The following PCDHGA3 variants were observed in gnomAD, a reference collection of about 807,000 sequenced individuals.
PCDHGA3 encodes the protein protocadherin gamma subfamily A, 3.
Under a neutral mutation model 58.5 loss-of-function variants are expected in PCDHGA3, and 40 were observed. That is an observed-to-expected ratio of 0.68 (90% confidence interval 0.53 to 0.89). The LOEUF (loss-of-function observed/expected upper bound fraction) is 0.89, where lower values mean the gene tolerates loss of function less well. Ranked by LOEUF, PCDHGA3 falls within the 40% of genes least tolerant of loss-of-function variation. PCDHGA3 has a pLI of 0.00. For missense variants in PCDHGA3, 1,223 were observed against 1,195.9 expected (o/e 1.02, Z -0.33); for synonymous variants, 530 against 525.7 (o/e 1.01, Z -0.11).
rs748105196 is a variant in PCDHGA3 at position 141,486,849 on chromosome 5, A to G, written c.2425-7958A>G. ...GTTCGTCTATTTGTGCTGGACCTCA[A>G]TGACAATGCTCCAGCTGTGCTCCGT... is the stretch of plus-strand genomic sequence containing the variant. On this transcript the variant is annotated intron_variant, in intron 1 of 3. Coordinates refer to ENST00000253812, the MANE Select transcript of PCDHGA3 (RefSeq NM_018916.4). The surrounding 1 kb of genome is among the most constrained non-coding windows in gnomAD (Gnocchi z 5.0). 4.3e-6 allele frequency: 7 copies of G among 1,614,110 alleles called. No individual in the cohort carries two copies. The highest frequency in any genetic ancestry group is 5.1e-6 in the Non-Finnish European group (6 of 1,180,036).
At chr5:141,357,135 C>A in intron 1 of PCDHGA3, 1 of 1,613,504 alleles carries the variant, frequency 6.2e-7, no homozygotes, top group Non-Finnish European at 8.5e-7. Context: ...TTGTAGTGGT[C>A]GTCCAGGACC....
chr5:141,420,269 A>C, intron 1 of PCDHGA3: 1 of 1,544,558 alleles, frequency 6.5e-7, no homozygotes, highest in Non-Finnish European at 8.8e-7. Flanking sequence ...GAAGATTCTT[A>C]AACAGGTAAG....
Position 141,487,650 on chromosome 5 carries a change from G to T in PCDHGA3, c.2425-7157G>T, listed in dbSNP as rs772715932. The T allele has an allele frequency of 6.8e-6, 11 of 1,613,876 alleles. No individual in the cohort carries two copies. Among genetic ancestry groups the T allele is most frequent in the Admixed American group, 1.7e-5 (1 of 59,978 alleles). On this transcript the variant is annotated intron_variant, in intron 1 of 3. Coordinates refer to ENST00000253812, the MANE Select transcript of PCDHGA3 (RefSeq NM_018916.4). This position sits in a 1 kb window ranked among gnomAD's most constrained non-coding sequence, Gnocchi z 5.0. ...TTGCAGGCTCAACAAATGCTTGAGG[G>T]TTATTCTGATCCAGGCATATGGCTA...
intron 1 of PCDHGA3, chr5:141,350,596 T>C: frequency 6.2e-7 from 1 of 1,614,020 alleles, no homozygotes; most frequent in Non-Finnish European, 8.5e-7. Flanking sequence ...ACCCAATGAA[T>C]GTTTTCCACG....
intron 1 of PCDHGA3, chr5:141,366,887 A>T (rs1444897635): frequency 9.5e-6 from 12 of 1,269,488 alleles, no homozygotes; most frequent in Non-Finnish European, 1.3e-5. Flanking sequence ...AATTTTTTTT[A>T]TATAATTCAT....
intron 1 of PCDHGA3, among the ~76,000 whole-genome samples, chr5:141,445,620 C>T (rs561235315): frequency 2.0e-5 from 3 of 151,966 alleles, no homozygotes; most frequent in African/African-American, 4.8e-5. Context: ...TTCTTTTTTT[C>T]GGAAAGTGAT....
chr5:141,412,634 A>G (rs1322492563), intron 1 of PCDHGA3: 1 of 152,256 alleles, frequency 6.6e-6, no homozygotes, highest in African/African-American at 2.4e-5. Flanking sequence ...TTAAATTATA[A>G]GACTTTTCTG....
At position 141,494,885 on chromosome 5, in the gene PCDHGA3, G is replaced by T; in HGVS notation, c.2483+20G>T. The T allele has an allele frequency of 6.8e-6, 11 of 1,614,082 alleles. No homozygotes were observed. The highest frequency in any genetic ancestry group is 8.5e-6 in the Non-Finnish European group (10 of 1,179,992). Reference sequence around the variant, plus strand: ...CAGCGGGTAGGTGACTGATTCTCCAGCCCACCCTCTTCTCTGCGGCATTTT... The same window carrying T: ...CAGCGGGTAGGTGACTGATTCTCCATCCCACCCTCTTCTCTGCGGCATTTT... On this transcript the variant is annotated intron_variant, in intron 2 of 3. Transcript: ENST00000253812.
At chr5:141,390,515 C>T (rs1325813784) in intron 1 of PCDHGA3, 1 of 575,082 alleles carries the variant, frequency 1.7e-6, no homozygotes, top group Middle Eastern at 4.7e-4. Flanking sequence ...ATTTATAAAG[C>T]AATGAGGGTG....
At chr5:141,364,790 C>T (rs796800411) in intron 1 of PCDHGA3, 2 of 1,614,014 alleles carry the variant, frequency 1.2e-6, no homozygotes, top group Admixed American at 1.7e-5. Flanking sequence ...ACGGTTAGTG[C>T]TTCCCTTCGC....
Position 141,418,176 on chromosome 5 carries a change from T to G in PCDHGA3, c.2424+71719T>G, listed in dbSNP as rs1197334192. 1 of 1,614,078 alleles carries G rather than the reference T, an allele frequency of 6.2e-7. No individual in the cohort carries two copies. Among genetic ancestry groups the G allele is most frequent in the Non-Finnish European group, 8.5e-7 (1 of 1,179,908 alleles). On this transcript the variant is annotated intron_variant, in intron 1 of 3. Coordinates refer to ENST00000253812, the MANE Select transcript of PCDHGA3 (RefSeq NM_018916.4). ...GAGAGAAGAAGATGTGAGTTGCAAT[T>G]GGAAGCTGTGGTGGAAAATCCTTTA...
At chr5:141,508,737 C>G (rs919094477) in intron 3 of PCDHGA3, among the ~76,000 whole-genome samples, 2 of 152,010 alleles carry the variant, frequency 1.3e-5, no homozygotes, top group Non-Finnish European at 2.9e-5. Flanking sequence ...CTACACCCCC[C>G]ACCCCGCTCT....
intron 1 of PCDHGA3, among the ~76,000 whole-genome samples, chr5:141,407,512 T>C (rs910710605): frequency 6.6e-6 from 1 of 152,192 alleles, no homozygotes; most frequent in East Asian, 1.9e-4. Context: ...TCTTAGGCTA[T>C]GTAGGACTTA....
intron 1 of PCDHGA3, chr5:141,420,166 A>G: frequency 1.2e-6 from 2 of 1,614,036 alleles, no homozygotes; most frequent in Non-Finnish European, 1.7e-6. Flanking sequence ...ATTTTTTCAC[A>G]TCTGTTGATC....
At chr5:141,365,884 A>G (rs992274434) in intron 1 of PCDHGA3, 1 of 1,614,096 alleles carries the variant, frequency 6.2e-7, no homozygotes, top group Admixed American at 1.7e-5. Flanking sequence ...ATGCTCTGAG[A>G]TCCTTCGACT....
At chr5:141,427,499 T>C in intron 1 of PCDHGA3, 2 of 571,516 alleles carry the variant, frequency 3.5e-6, no homozygotes, top group Non-Finnish European at 3.3e-6. Flanking sequence ...TTGTAACAGA[T>C]GGGACCCTGG....
chr5:141,410,246 TCTGACCCCCAGG>T (rs2095371499), intron 1 of PCDHGA3: 2 of 1,614,004 alleles, frequency 1.2e-6, no homozygotes, highest in Admixed American at 3.3e-5. Flanking sequence ...CCCTGTACTC[TCTGACCCCCAGG>T]CTGAACTGCA....
chr5:141,419,694 G>T, intron 1 of PCDHGA3: 2 of 1,612,974 alleles, frequency 1.2e-6, no homozygotes, highest in South Asian at 1.1e-5. Context: ...GTGCAGGCCA[G>T]TGAGCCCGGG....
At chr5:141,396,954 C>G (rs2093459266) in intron 1 of PCDHGA3, among the ~76,000 whole-genome samples, 1 of 152,172 alleles carries the variant, frequency 6.6e-6, no homozygotes. Flanking sequence ...GAAAGAAAAT[C>G]CTTACTCTCC....
Sources: allele counts gnomAD v4.1 joint callset (sites outside exome capture counted in the v4.1 genomes callset), GRCh38; gene constraint gnomAD v4.1.1; non-coding constraint Gnocchi (gnomAD v3.1); transcripts MANE v1.5; gene names NCBI Gene and HGNC (gene_info 2026-07-23, HGNC 2026-07-21).